The following BIRC6 variants were observed in gnomAD, a reference collection of about 807,000 sequenced individuals.
The protein encoded by BIRC6 is dual E2 ubiquitin-conjugating enzyme/E3 ubiquitin-protein ligase BIRC6.
In BIRC6, 98 loss-of-function variants were observed where a neutral mutation model predicts 503.3. That is an observed-to-expected ratio of 0.19 (90% CI 0.17 to 0.23). BIRC6 has a LOEUF of 0.23. Ranked by LOEUF, BIRC6 falls within the 10% of genes least tolerant of loss-of-function variation. BIRC6 has a pLI of 1.00. For synonymous variants in BIRC6, 2,240 were observed against 2,078.7 expected (o/e 1.08, Z -2.11); for missense variants, 5,360 against 5,806.0 (o/e 0.92, Z 2.50).
At chr2:32,607,667 A>G (rs769928180) in intron 72 of BIRC6, 24 bp downstream of exon 72, 20 of 1,568,360 alleles carry the variant, frequency 1.3e-5, no homozygotes, top group Non-Finnish European at 1.7e-5. Flanking sequence ...AATTAGTGAA[A>G]TACTTTGTTA....
At position 32,367,346 on chromosome 2, in the gene BIRC6, C is replaced by A. The variant is rs190234982; in HGVS notation, c.325+9860C>A. On this transcript the variant is annotated intron_variant, in intron 1 of 73. Coordinates refer to ENST00000421745, the MANE Select transcript of BIRC6 (RefSeq NM_016252.4). ...GTGTGATGGTGCATGCCTGTAATCC[C>A]AGCTATTCGGGAGGCTGAGGCAGGA... 2.6e-3 allele frequency among the ~76,000 whole-genome samples: 401 copies of A among 152,046 alleles called. 1 individual carries two copies. Among genetic ancestry groups the A allele is most frequent in the African/African-American group, 9.0e-3 (373 of 41,470 alleles).
At chr2:32,505,736 T>G (rs2053722860) in intron 50 of BIRC6, among the ~76,000 whole-genome samples, 1 of 152,236 alleles carries the variant, frequency 6.6e-6, no homozygotes, top group Non-Finnish European at 1.5e-5. Context: ...TTGTTGCATG[T>G]TCATTGAATA....
At chr2:32,450,796 G>T (rs2046627860) in intron 22 of BIRC6, among the ~76,000 whole-genome samples, 1 of 152,144 alleles carries the variant, frequency 6.6e-6, no homozygotes, top group Non-Finnish European at 1.5e-5. Flanking sequence ...CACACATCCT[G>T]CTGTGTGCCT....
Position 32,477,553 on chromosome 2 carries a change from T to G in BIRC6, c.7038T>G (p.Cys2346Trp). Reference sequence around the variant, plus strand: ...TTCTTCTCTCCATGGACTTTACATGTCATGCAGATCTCTTATTGTTTGTTT... The same window carrying G: ...TTCTTCTCTCCATGGACTTTACATGGCATGCAGATCTCTTATTGTTTGTTT... ...VLFLLSMDFT[C>W]HADLLLFVCK... Residue 2346 changes from cysteine to tryptophan, a missense_variant, in exon 35 of 74, where the codon TGT (cysteine) becomes TGG (tryptophan). Physicochemically the swap from Cys to Trp is radical, Grantham distance 215 (BLOSUM62 -2). Transcript: ENST00000421745. The G allele has an allele frequency of 6.2e-7, 1 of 1,613,788 alleles. No individual in the cohort carries two copies. Among genetic ancestry groups the G allele is most frequent in the Non-Finnish European group, 8.5e-7 (1 of 1,179,768 alleles).
At chr2:32,442,494 A>G (rs2276592) in intron 19 of BIRC6, 39 bp downstream of exon 19, 387,613 of 1,541,418 alleles carry the variant, frequency 0.25, 53,198 homozygotes, top group East Asian at 0.53. Flanking sequence ...CTTTCTAGGT[A>G]CACCTGCAAT....
At chr2:32,387,977 A>G (rs1268254077) in intron 3 of BIRC6, among the ~76,000 whole-genome samples, 2 of 152,214 alleles carry the variant, frequency 1.3e-5, no homozygotes, top group Admixed American at 1.3e-4. Flanking sequence ...GTTGTAATAT[A>G]TGTATACATT....
In BIRC6 at chr2:32,464,733, C is replaced by T. The variant is rs764305496; in HGVS notation, c.5166C>T (p.Ala1722=). 9 of 1,613,850 alleles carry T rather than the reference C, an allele frequency of 5.6e-6. No homozygotes were observed. Among genetic ancestry groups the T allele is most frequent in the Admixed American group, 1.7e-5 (1 of 60,002 alleles). The change falls in exon 25 of 74, where the codon GCC becomes GCT. Residue 1722 remains alanine (A), a synonymous_variant. Coordinates refer to ENST00000421745, the MANE Select transcript of BIRC6 (RefSeq NM_016252.4). ...AAGCAGTTTCCGTTGTGATTAATGC[C>T]GAACTTGCACAGCTTTTCCCAGGCT... The part of the protein sequence containing the change: ...PNEAVSVVIN[A]ELAQLFPGSV...
chr2:32,483,862 T>C, intron 39 of BIRC6, among the ~76,000 whole-genome samples: 1 of 152,242 alleles, frequency 6.6e-6, no homozygotes. Context: ...TCTCTCATTA[T>C]TGGTGATGTT....
intron 14 of BIRC6, 144 bp downstream of exon 14, chr2:32,435,729 C>T: frequency 1.1e-6 from 1 of 903,610 alleles, no homozygotes; most frequent in Non-Finnish European, 1.6e-6. Context: ...TCTGCTTTGG[C>T]AATATGCTTT....
chr2:32,575,230 G>A lies in BIRC6; in HGVS notation c.13219G>A (p.Ala4407Thr), dbSNP rs765099292. 8 of 1,613,880 alleles carry A rather than the reference G, an allele frequency of 5.0e-6. No homozygotes were observed. The highest frequency in any genetic ancestry group is 5.9e-6 in the Non-Finnish European group (7 of 1,179,892). The change falls in exon 66 of 74, where the codon GCC becomes ACC. Residue 4407 changes from alanine to threonine, a missense_variant. This residue lies in a region of BIRC6 where 477 missense variants were observed against 574.4 expected (regional missense o/e 0.83). Coordinates refer to ENST00000421745, the MANE Select transcript of BIRC6 (RefSeq NM_016252.4). The part of the protein sequence containing the change: ...ELLRAIASCA[A>T]MVPLLLPLST... ...GCTTCGGGCCATTGCTTCTTGTGCT[G>A]CCATGGTGCCCCTATTGTTGCCCCT...
At chr2:32,594,702 A>AGATG (rs60252004) in intron 67 of BIRC6, among the ~76,000 whole-genome samples, 71,152 of 148,982 alleles carry the variant, frequency 0.48, 16,998 homozygotes, top group Admixed American at 0.51. Flanking sequence ...GTTTCCAGAT[A>AGATG]GATGGATGGA....
rs143236929 is a variant in BIRC6, at chr2:32,617,767, T to A, written c.14437T>A (p.Cys4813Ser). 48 of 1,614,046 alleles carry A rather than the reference T, an allele frequency of 3.0e-5. No individual in the cohort carries two copies. In the African/African-American group the frequency reaches 5.9e-4, roughly 20 times the overall value. Residue 4813 changes from cysteine to serine, a missense_variant, in exon 74 of 74, where the codon TGC becomes AGC. Transcript: ENST00000421745. ...QLREELLKLP[C>S]PEGLDPDTDD... ...CCGCGAAGAGTTGCTGAAACTTCCCTGCCCTGAAGGCTTGGATCCTGACAC... is the reference window on the plus strand; with the variant it reads ...CCGCGAAGAGTTGCTGAAACTTCCCAGCCCTGAAGGCTTGGATCCTGACAC...
At chr2:32,599,206 G>A (rs2061881989) in intron 69 of BIRC6, among the ~76,000 whole-genome samples, 1 of 151,180 alleles carries the variant, frequency 6.6e-6, no homozygotes, top group Non-Finnish European at 1.5e-5. Context: ...GTGCATGCCT[G>A]TAATCTCAGC....
chr2:32,504,709 A>G (rs1372391744), intron 49 of BIRC6, among the ~76,000 whole-genome samples: 1 of 151,962 alleles, frequency 6.6e-6, no homozygotes, highest in African/African-American at 2.4e-5. Context: ...AAAAATTTAA[A>G]AAAAGTTTGA....
At chr2:32,605,113 T>C (rs1234516994) in intron 71 of BIRC6, among the ~76,000 whole-genome samples, 1 of 152,080 alleles carries the variant, frequency 6.6e-6, no homozygotes, top group Non-Finnish European at 1.5e-5. Context: ...GAGCCCCTGA[T>C]CTCAAGTGAT....
In BIRC6 at chr2:32,410,208, A is replaced by G. The variant is rs576215126; in HGVS notation, c.1477+3651A>G. Among the ~76,000 whole-genome samples the G allele has an allele frequency of 2.0e-5, 3 of 152,320 alleles. No individual in the cohort carries two copies. In the South Asian group the frequency reaches 6.2e-4, roughly 32 times the overall value. ...CAGTTTAGTCCAGTTGGGCATCCTC[A>G]GGATTTATTGTGGTATAGTACATGT... is the stretch of plus-strand genomic sequence containing the variant. On this transcript the variant is annotated intron_variant, in intron 9 of 73. Coordinates refer to ENST00000421745, the MANE Select transcript of BIRC6 (RefSeq NM_016252.4).
intron 26 of BIRC6, among the ~76,000 whole-genome samples, chr2:32,465,752 A>G (rs2148906654): frequency 6.6e-6 from 1 of 152,354 alleles, no homozygotes; most frequent in East Asian, 1.9e-4. Flanking sequence ...TAGCAGCAGT[A>G]GAATTCAACA....
intron 73 of BIRC6, among the ~76,000 whole-genome samples, chr2:32,616,035 C>T (rs2151807007): frequency 6.6e-6 from 1 of 152,220 alleles, no homozygotes; most frequent in East Asian, 1.9e-4. Context: ...CCAGCCACTC[C>T]CAATTAACAT....
At position 32,467,507 on chromosome 2, in the gene BIRC6, T is replaced by C. The variant is rs1349490088; in HGVS notation, c.5357-18T>C. 1 of 1,604,908 alleles carries C rather than the reference T, an allele frequency of 6.2e-7. No homozygotes were observed. The highest frequency in any genetic ancestry group is 8.5e-7 in the Non-Finnish European group (1 of 1,172,412). On this transcript the variant is annotated intron_variant, in intron 26 of 73. Transcript: ENST00000421745. ...AATTGATATATTTTTGGTCAACTGT[T>C]TCTTCTTTCTCTCATAGGAGCAAGA...
Sources: gnomAD v4.1 joint callset for allele counts (sites outside exome capture counted in the v4.1 genomes callset) on GRCh38, gnomAD v4.1.1 for gene constraint, gnomAD v4.1.1 regional missense constraint, MANE v1.5 for transcripts, NCBI Gene and HGNC (gene_info 2026-07-23, HGNC 2026-07-21) for gene names.